Variants in CLSTN2 observed in about 807,000 individuals in gnomAD.
CLSTN2 encodes the protein calsyntenin-2.
A neutral mutation model predicts 101.2 loss-of-function variants in CLSTN2; 48 were observed. The ratio of observed to expected loss-of-function variants is 0.47; its 90% CI spans 0.38 to 0.60. The LOEUF (loss-of-function observed/expected upper bound fraction) is 0.60. CLSTN2 is among the 20% of genes least tolerant of loss of function. CLSTN2 has a pLI of 0.00. For synonymous variants in CLSTN2, 481 were observed against 463.6 expected, an observed-to-expected ratio of 1.04 and a Z score of -0.48; for missense variants, 1,160 against 1,238.2, an observed-to-expected ratio of 0.94 and a Z score of 0.95.
chr3:140,362,797 T>C (rs1010924220), intron 2 of CLSTN2, among the ~76,000 whole-genome samples: 4 of 152,098 alleles, frequency 2.6e-5, no homozygotes, highest in African/African-American at 9.7e-5. Context: ...AGAACAGATA[T>C]ACCATAATGA....
chr3:139,979,076 C>T (rs891500795), intron 1 of CLSTN2, among the ~76,000 whole-genome samples: 12 of 152,026 alleles, frequency 7.9e-5, no homozygotes, highest in African/African-American at 2.2e-4. Flanking sequence ...GAATGTGCGC[C>T]CCGCTTTGGA....
At chr3:140,040,259 T>A (rs923807227) in intron 1 of CLSTN2, among the ~76,000 whole-genome samples, 2 of 152,176 alleles carry the variant, frequency 1.3e-5, no homozygotes, top group African/African-American at 2.4e-5. Context: ...CAGATGGCAC[T>A]GCGCTATCCG....
intron 10 of CLSTN2, among the ~76,000 whole-genome samples, chr3:140,548,143 A>G (rs1028372542): frequency 2.6e-5 from 4 of 152,188 alleles, no homozygotes; most frequent in African/African-American, 9.6e-5. Context: ...GTCTGAGAGT[A>G]TTCTTTAAAT....
chr3:140,444,081 G>A (rs370009442), intron 5 of CLSTN2, among the ~76,000 whole-genome samples: 2 of 152,158 alleles, frequency 1.3e-5, no homozygotes, highest in Non-Finnish European at 2.9e-5. Context: ...TAAATTGAAC[G>A]TTAAACATGA....
At chr3:140,531,370 A>G (rs1008761250) in intron 8 of CLSTN2, among the ~76,000 whole-genome samples, 25 of 152,356 alleles carry the variant, frequency 1.6e-4, no homozygotes, top group African/African-American at 6.0e-4. Flanking sequence ...ATTATTTAGC[A>G]TCCCTGTTGG....
At chr3:140,085,941 TG>T (rs1337207968) in intron 1 of CLSTN2, among the ~76,000 whole-genome samples, 2 of 152,192 alleles carry the variant, frequency 1.3e-5, no homozygotes, top group Non-Finnish European at 2.9e-5. Context: ...ACAGATCACT[TG>T]GGGCAACTCC....
chr3:140,383,000 A>T lies in CLSTN2; in HGVS notation c.233-20629A>T, dbSNP rs192369383. Among the ~76,000 whole-genome samples, 5 of 152,330 alleles carry T rather than the reference A, an allele frequency of 3.3e-5. No individual in the cohort carries two copies. The East Asian group carries it at 9.6e-4, about 29-fold the overall frequency. ...AGACCACAGCAATAACCCTGCTCAAAAACCTCCTTCCCACAAAGAAGTAAA... is the reference window on the plus strand; with the variant it reads ...AGACCACAGCAATAACCCTGCTCAATAACCTCCTTCCCACAAAGAAGTAAA... On this transcript the variant is annotated intron_variant, in intron 2 of 16. Coordinates refer to ENST00000458420, the MANE Select transcript of CLSTN2 (RefSeq NM_022131.3).
intron 2 of CLSTN2, among the ~76,000 whole-genome samples, chr3:140,384,435 C>T (rs1003016132): frequency 3.3e-5 from 5 of 152,184 alleles, no homozygotes; most frequent in African/African-American, 9.7e-5. Flanking sequence ...TTTCAGTCAG[C>T]ATGCCTTCTG....
At chr3:140,506,430 G>A (rs543933477) in intron 8 of CLSTN2, among the ~76,000 whole-genome samples, 191 of 152,108 alleles carry the variant, frequency 1.3e-3, no homozygotes, top group African/African-American at 4.5e-3. Flanking sequence ...TGCTGCCCTG[G>A]AACCCCAGGG....
chr3:140,281,422 G>A (rs2086845729), intron 2 of CLSTN2, among the ~76,000 whole-genome samples: 1 of 152,176 alleles, frequency 6.6e-6, no homozygotes, highest in Non-Finnish European at 1.5e-5. Context: ...CTGTGGGGCA[G>A]CTGGTACCTG....
At chr3:140,062,345 A>G (rs1446503869) in intron 1 of CLSTN2, among the ~76,000 whole-genome samples, 1 of 152,148 alleles carries the variant, frequency 6.6e-6, no homozygotes, top group Non-Finnish European at 1.5e-5. Flanking sequence ...AGGCATGCCC[A>G]CCCTCATGAG....
At chr3:140,384,964 G>A (rs947826595) in intron 2 of CLSTN2, among the ~76,000 whole-genome samples, 4 of 152,162 alleles carry the variant, frequency 2.6e-5, no homozygotes, top group Admixed American at 6.5e-5. Flanking sequence ...TCAATTTCAC[G>A]GGCAGCTTGG....
At chr3:140,357,836 T>A (rs368573886) in intron 2 of CLSTN2, among the ~76,000 whole-genome samples, 1 of 152,204 alleles carries the variant, frequency 6.6e-6, no homozygotes, top group Non-Finnish European at 1.5e-5. Context: ...GCTCCAATGC[T>A]GAGCTGACCA....
intron 1 of CLSTN2, among the ~76,000 whole-genome samples, chr3:139,994,097 T>G (rs1413343991): frequency 1.3e-5 from 2 of 152,214 alleles, no homozygotes; most frequent in Non-Finnish European, 2.9e-5. Context: ...ATGATAGTTC[T>G]GCTCTTCACA....
chr3:140,520,288 A>C (rs372572599), intron 8 of CLSTN2, among the ~76,000 whole-genome samples: 3 of 152,140 alleles, frequency 2.0e-5, no homozygotes, highest in African/African-American at 7.2e-5. Context: ...TTCTCATGCT[A>C]CTATAATGAA....
chr3:140,549,712 C>A (rs1346562969), intron 10 of CLSTN2, among the ~76,000 whole-genome samples: 1 of 148,158 alleles, frequency 6.7e-6, no homozygotes, highest in Non-Finnish European at 1.5e-5. Context: ...TCTTTCCTTT[C>A]CTCCCTCCCT....
chr3:140,158,123 G>A (rs1362001402), intron 1 of CLSTN2, among the ~76,000 whole-genome samples: 3 of 152,160 alleles, frequency 2.0e-5, no homozygotes, highest in Admixed American at 2.0e-4. Context: ...AAAGCTGGGA[G>A]CATTCCCCTT....
intron 2 of CLSTN2, among the ~76,000 whole-genome samples, chr3:140,292,544 G>A (rs1312425579): frequency 2.0e-5 from 3 of 152,116 alleles, no homozygotes; most frequent in Non-Finnish European, 2.9e-5. Flanking sequence ...TTACCCATAA[G>A]CTGCAACATT....
chr3:140,399,151 T>C (rs2088214868), intron 2 of CLSTN2, among the ~76,000 whole-genome samples: 1 of 152,236 alleles, frequency 6.6e-6, no homozygotes, highest in African/African-American at 2.4e-5. Flanking sequence ...CCTGGCACAG[T>C]AGCAGTTCTC....
Sources: allele counts gnomAD v4.1 joint callset (sites outside exome capture counted in the v4.1 genomes callset), GRCh38; gene constraint gnomAD v4.1.1; transcripts MANE v1.5; gene names NCBI Gene and HGNC (gene_info 2026-07-23, HGNC 2026-07-21).